GCSAML: variants seen among roughly 807,000 people sequenced by gnomAD.
GCSAML encodes the protein germinal center associated signaling and motility like.
In GCSAML, 9 loss-of-function variants were observed where a neutral mutation model predicts 13.0. The ratio of observed to expected loss-of-function variants is 0.69; its 90% CI spans 0.42 to 1.21. GCSAML has a LOEUF of 1.21. GCSAML is among the 50% of genes most tolerant of loss of function. The pLI, the probability that GCSAML is intolerant of heterozygous loss-of-function variation, is 0.00. For missense variants in GCSAML, 143 were observed against 153.4 expected (o/e 0.93, Z 0.36); for synonymous variants, 37 against 52.9 (o/e 0.70, Z 1.31).
chr1:247,543,799 A>ATTTTTTTTTTTTTTTTTTTTTTTTTTTT (rs1265521616), intron 2 of GCSAML, among the ~76,000 whole-genome samples: 10 of 151,802 alleles, frequency 6.6e-5, no homozygotes, highest in Non-Finnish European at 1.2e-4. Context: ...TATTAAAAAA[A>ATTTTTTTTTTTTTTTTTTTTTTTTTTTT]TTTTTTTAGA....
chr1:247,566,035 C>A, intron 4 of GCSAML, 76 bp downstream of exon 4: 1 of 993,696 alleles, frequency 1.0e-6, no homozygotes, highest in Non-Finnish European at 1.5e-6. Context: ...TGCCAAAATA[C>A]AGATGATTTA....
intron 4 of GCSAML, among the ~76,000 whole-genome samples, chr1:247,568,478 T>C (rs2103069792): frequency 6.6e-6 from 1 of 152,308 alleles, no homozygotes; most frequent in African/African-American, 2.4e-5. Flanking sequence ...AAAGATCAGA[T>C]GGTTGTAGCT....
chr1:247,522,162 A>G, intron 1 of GCSAML, among the ~76,000 whole-genome samples: 1 of 149,402 alleles, frequency 6.7e-6, no homozygotes, highest in African/African-American at 2.5e-5. Context: ...CCATCTGGAA[A>G]GTGAGGAGCG....
chr1:247,555,604 C>T (rs79105104), intron 1 of GCSAML, among the ~76,000 whole-genome samples: 4,689 of 152,214 alleles, frequency 0.031, 126 homozygotes, highest in East Asian at 0.087. Context: ...ATGCTTTCCC[C>T]GAATACTGCT....
At chr1:247,515,453 A>G (rs1666178878) in intron 1 of GCSAML, among the ~76,000 whole-genome samples, 1 of 152,256 alleles carries the variant, frequency 6.6e-6, no homozygotes, top group Non-Finnish European at 1.5e-5. Context: ...ATAACTCTGT[A>G]CCTTGATGAG....
Position 247,574,655 on chromosome 1 carries a change from G to A in GCSAML, c.*273G>A. On this transcript the variant is annotated 3_prime_UTR_variant, in exon 5 of 5. Transcript: ENST00000366488. Reference sequence around the variant, plus strand: ...GGAGGTGATAAAAAAAACTTTCTTAGGACAATAATGTAAAATGAAAATAAA... The same window carrying A: ...GGAGGTGATAAAAAAAACTTTCTTAAGACAATAATGTAAAATGAAAATAAA... 2 of 389,484 alleles carry A rather than the reference G, an allele frequency of 5.1e-6. No homozygotes were observed. The highest frequency in any genetic ancestry group is 4.6e-6 in the Non-Finnish European group (1 of 218,860). The allele number at this position is 389,484 out of a possible 1,614,324, so 24.1% of individuals were successfully genotyped here.
intron 4 of GCSAML, among the ~76,000 whole-genome samples, chr1:247,573,288 T>C (rs1572384059): frequency 6.6e-6 from 1 of 152,232 alleles, no homozygotes; most frequent in African/African-American, 2.4e-5. Context: ...GAAACCCAGT[T>C]TTATGCTTGA....
intron 1 of GCSAML, among the ~76,000 whole-genome samples, chr1:247,519,642 G>T (rs1475812631): frequency 6.6e-6 from 1 of 152,200 alleles, no homozygotes; most frequent in Admixed American, 6.5e-5. Context: ...GCATAAAATG[G>T]ATTAGAAAAT....
chr1:247,539,566 T>A lies in GCSAML; in HGVS notation c.-147-9479T>A, dbSNP rs530199637. Among the ~76,000 whole-genome samples, 16 of 152,178 alleles carry A rather than the reference T, an allele frequency of 1.1e-4. No homozygotes were observed. In the South Asian group the frequency reaches 3.3e-3, roughly 32 times the overall value. On this transcript the variant is annotated intron_variant, in intron 2 of 5. Coordinates refer to the GCSAML transcript ENST00000366489. ...GCTACGTGACCTTTAGCTATGAAAA[T>A]CTTAAAATAAACTAGAAACAAGTGA...
In GCSAML at chr1:247,560,110, A is replaced by G. The variant is rs559595897; in HGVS notation, c.90-3480A>G. ...ACAGCATGCAGAATTGTTCCACTGT[A>G]TTTAAGAGAGAGTGGACAAGCAGTA... On this transcript the variant is annotated intron_variant, in intron 2 of 4. Coordinates refer to ENST00000366488, the MANE Select transcript of GCSAML (RefSeq NM_145278.5). Among the ~76,000 whole-genome samples the G allele has an allele frequency of 2.6e-5, 4 of 152,254 alleles. No individual in the cohort carries two copies. The South Asian group carries it at 8.3e-4, about 32-fold the overall frequency.
At chr1:247,512,197 G>GTTCATTTATTT (rs752042077) in intron 1 of GCSAML, among the ~76,000 whole-genome samples, 1 of 151,936 alleles carries the variant, frequency 6.6e-6, no homozygotes, top group Non-Finnish European at 1.5e-5. Flanking sequence ...TGGAGGCTTT[G>GTTCATTTATTT]TTCATTTATT....
At chr1:247,562,177 T>C (rs1418968926) in intron 2 of GCSAML, among the ~76,000 whole-genome samples, 2 of 152,152 alleles carry the variant, frequency 1.3e-5, no homozygotes, top group Non-Finnish European at 2.9e-5. Context: ...GAAAGATTCT[T>C]TGATTTGCAA....
chr1:247,517,560 C>T (rs879124107), intron 1 of GCSAML, among the ~76,000 whole-genome samples: 1 of 152,042 alleles, frequency 6.6e-6, no homozygotes, highest in Non-Finnish European at 1.5e-5. Flanking sequence ...ATATTATTTA[C>T]TTATTTCTGA....
intron 1 of GCSAML, chr1:247,518,731 G>T: frequency 6.5e-6 from 1 of 153,424 alleles, no homozygotes; most frequent in Non-Finnish European, 1.5e-5. Flanking sequence ...GCGCTCGCCT[G>T]CAGTCCCAGC....
intron 4 of GCSAML, among the ~76,000 whole-genome samples, chr1:247,568,184 T>A (rs1668461587): frequency 6.6e-6 from 1 of 152,234 alleles, no homozygotes; most frequent in African/African-American, 2.4e-5. Flanking sequence ...TTTAATTTGA[T>A]CCCATTTGTC....
chr1:247,556,969 A>C (rs1044116091), intron 2 of GCSAML, among the ~76,000 whole-genome samples: 2 of 152,088 alleles, frequency 1.3e-5, no homozygotes, highest in Non-Finnish European at 2.9e-5. Flanking sequence ...ACTATCTTAC[A>C]TGCATTCTCC....
intron 4 of GCSAML, among the ~76,000 whole-genome samples, chr1:247,572,692 C>T (rs1345955150): frequency 6.6e-6 from 1 of 152,242 alleles, no homozygotes; most frequent in African/African-American, 2.4e-5. Context: ...CAGCGACCCA[C>T]TTGAGGAGGC....
intron 2 of GCSAML, chr1:247,531,719 T>C: frequency 6.2e-7 from 1 of 1,614,180 alleles, no homozygotes; most frequent in Non-Finnish European, 8.5e-7. Flanking sequence ...GAGGTGCTCT[T>C]GGCTGGCTGG....
chr1:247,557,060 A>G (rs74152626), intron 2 of GCSAML, among the ~76,000 whole-genome samples: 1 of 151,698 alleles, frequency 6.6e-6, no homozygotes, highest in Non-Finnish European at 1.5e-5. Flanking sequence ...CTGCACAATT[A>G]AAAAAAAATT....
Sources: gnomAD v4.1 joint callset for allele counts (sites outside exome capture counted in the v4.1 genomes callset) on GRCh38, gnomAD v4.1.1 for gene constraint, MANE v1.5 for transcripts, NCBI Gene and HGNC (gene_info 2026-07-23, HGNC 2026-07-21) for gene names.